Variants in ATF7 observed in about 807,000 individuals in gnomAD.
ATF7 encodes cyclic AMP-dependent transcription factor ATF-7.
In ATF7, 10 loss-of-function variants were observed where a neutral mutation model predicts 50.4. That is an observed-to-expected ratio of 0.20 (90% CI 0.12 to 0.34). The LOEUF (loss-of-function observed/expected upper bound fraction) is 0.34, where lower values mean the gene tolerates loss of function less well. Among genes scored for constraint, ATF7 ranks in the 10% least tolerant of loss-of-function variants. The pLI, the probability that ATF7 is intolerant of heterozygous loss-of-function variation, is 1.00. For synonymous variants in ATF7, 201 were observed against 226.4 expected (o/e 0.89, Z 1.01); for missense variants, 465 against 613.9 (o/e 0.76, Z 2.56).
intron 2 of ATF7, among the ~76,000 whole-genome samples, chr12:53,587,843 A>ATATTTTTTTTTTTTT: frequency 3.2e-5 from 2 of 61,568 alleles, no homozygotes; most frequent in African/African-American, 1.0e-4. Context: ...ATATATATAT[A>ATATTTTTTTTTTTTT]TTTTTTTTTT....
intron 2 of ATF7, among the ~76,000 whole-genome samples, chr12:53,597,693 C>T (rs1228073366): frequency 1.3e-5 from 2 of 151,492 alleles, no homozygotes; most frequent in African/African-American, 2.4e-5. Flanking sequence ...CCTGTAGTCC[C>T]AGCTACTCGG....
chr12:53,624,956 G>T (rs1030285174), intron 1 of ATF7, among the ~76,000 whole-genome samples: 1 of 152,128 alleles, frequency 6.6e-6, no homozygotes, highest in Non-Finnish European at 1.5e-5. Flanking sequence ...ATCGCTACAA[G>T]AATTACACTA....
At chr12:53,610,714 AC>A (rs1943833958) in intron 1 of ATF7, among the ~76,000 whole-genome samples, 1 of 152,218 alleles carries the variant, frequency 6.6e-6, no homozygotes, top group African/African-American at 2.4e-5. Context: ...TAAACATGTT[AC>A]ATATGCTTAT....
intron 2 of ATF7, among the ~76,000 whole-genome samples, chr12:53,567,051 C>A (rs1036975432): frequency 6.6e-6 from 1 of 152,238 alleles, no homozygotes; most frequent in Non-Finnish European, 1.5e-5. Context: ...TGCGCCCAGC[C>A]TGTGTTCACA....
At chr12:53,568,877 T>A (rs1323681446) in intron 2 of ATF7, among the ~76,000 whole-genome samples, 1 of 152,130 alleles carries the variant, frequency 6.6e-6, no homozygotes, top group East Asian at 1.9e-4. Flanking sequence ...AGAATGAAAT[T>A]GCAGCTAAGC....
chr12:53,579,040 C>T (rs915760035), intron 2 of ATF7, among the ~76,000 whole-genome samples: 3 of 151,832 alleles, frequency 2.0e-5, no homozygotes, highest in East Asian at 1.9e-4. Context: ...GTCAGGAATT[C>T]GAGACCAGCC....
chr12:53,526,966 C>G (rs2137351754), intron 9 of ATF7, among the ~76,000 whole-genome samples: 1 of 151,100 alleles, frequency 6.6e-6, no homozygotes, highest in African/African-American at 2.4e-5. Context: ...CAAGACCAGC[C>G]TGGCCAACAT....
intron 11 of ATF7, among the ~76,000 whole-genome samples, chr12:53,521,079 G>A (rs553712337): frequency 6.6e-5 from 10 of 150,872 alleles, no homozygotes; most frequent in Non-Finnish European, 1.5e-4. Flanking sequence ...TGCAACCTCC[G>A]CTTCCCAGGT....
chr12:53,533,193 T>C lies in ATF7; in HGVS notation c.627A>G (p.Pro209=), dbSNP rs755784953. The change falls in exon 7 of 12, where the codon CCA becomes CCG. Residue 209 remains proline (P), a synonymous_variant. Transcript: ENST00000420353. ...CAGACGGCATCTGTACTGGAGGCCC[T>C]GGCAACACAGGCATGGTCTGTCCAT... ...LANGQTMPVL[P]GPPVQMPSVI... The C allele has an allele frequency of 5.0e-6, 8 of 1,613,864 alleles. No homozygotes were observed. In the South Asian group the frequency reaches 7.7e-5, roughly 16 times the overall value.
At chr12:53,549,691 TGCCTCA>T (rs1210723306) in intron 3 of ATF7, among the ~76,000 whole-genome samples, 2 of 152,160 alleles carry the variant, frequency 1.3e-5, no homozygotes, top group African/African-American at 2.4e-5. Flanking sequence ...GTGATTCTCC[TGCCTCA>T]GCCTCAGCCT....
At chr12:53,561,377 G>A (rs1471099180) in intron 2 of ATF7, among the ~76,000 whole-genome samples, 1 of 151,086 alleles carries the variant, frequency 6.6e-6, no homozygotes, top group Non-Finnish European at 1.5e-5. Flanking sequence ...AAAACTATGA[G>A]GAGTAAGTTC....
At chr12:53,569,292 T>C (rs1241170493) in intron 2 of ATF7, among the ~76,000 whole-genome samples, 1 of 152,258 alleles carries the variant, frequency 6.6e-6, no homozygotes, top group Non-Finnish European at 1.5e-5. Flanking sequence ...GGGGAAATTG[T>C]CTTGTTCCTG....
intron 2 of ATF7, among the ~76,000 whole-genome samples, chr12:53,557,308 C>T (rs757526681): frequency 1.3e-4 from 20 of 151,988 alleles, no homozygotes; most frequent in Non-Finnish European, 2.5e-4. Flanking sequence ...CTTACGCAAT[C>T]CCCCCACCCC....
chr12:53,515,662 A>G lies in ATF7; in HGVS notation c.*1475T>C, dbSNP rs1404493135. The G allele has an allele frequency of 6.6e-6, 1 of 152,186 alleles. No homozygotes were observed. The highest frequency in any genetic ancestry group is 1.5e-5 in the Non-Finnish European group (1 of 68,022). The allele number at this position is 152,186 out of a possible 1,614,324, so 9.4% of individuals were successfully genotyped here. A position where few individuals can be genotyped will look rare whatever the true frequency, so the allele number is the denominator to read the frequency against. On this transcript the variant is annotated 3_prime_UTR_variant, in exon 12 of 12. Transcript: ENST00000420353. ...TTCAAAGTAAGAATGGTTGAGAGCAATAGTCACCAATTTCCCAGGCCAGAA... is the reference window on the plus strand; with the variant it reads ...TTCAAAGTAAGAATGGTTGAGAGCAGTAGTCACCAATTTCCCAGGCCAGAA...
chr12:53,590,688 G>A (rs1243685086), intron 2 of ATF7, among the ~76,000 whole-genome samples: 1 of 152,194 alleles, frequency 6.6e-6, no homozygotes, highest in Non-Finnish European at 1.5e-5. Context: ...TGGAGTTTTA[G>A]ATAGAACTTG....
At chr12:53,526,252 C>T (rs147330592) in intron 9 of ATF7, among the ~76,000 whole-genome samples, 1 of 151,412 alleles carries the variant, frequency 6.6e-6, no homozygotes, top group Non-Finnish European at 1.5e-5. Flanking sequence ...CCTGCTTCTC[C>T]GGCCCCCCTT....
At chr12:53,614,973 A>G (rs945437408) in intron 1 of ATF7, among the ~76,000 whole-genome samples, 2 of 151,978 alleles carry the variant, frequency 1.3e-5, no homozygotes, top group African/African-American at 4.8e-5. Flanking sequence ...TCAGCTACTC[A>G]GGAAGCTGAG....
chr12:53,513,989 G>A lies in ATF7; in HGVS notation c.*3148C>T, dbSNP rs564007526. 1 of 152,296 alleles carries A rather than the reference G, an allele frequency of 6.6e-6. No individual in the cohort carries two copies. Among genetic ancestry groups the A allele is most frequent in the African/African-American group, 2.4e-5 (1 of 41,548 alleles). 9.4% of individuals were successfully genotyped at this position (152,296 alleles called of 1,614,324 possible). ...TTAGAGTACATGGTCTAATGCTTAG[G>A]GCCAAGGAGGGAGGTGAAGGCTAAG... is the stretch of plus-strand genomic sequence containing the variant. On this transcript the variant is annotated 3_prime_UTR_variant, in exon 12 of 12. Coordinates refer to ENST00000420353, the MANE Select transcript of ATF7 (RefSeq NM_006856.3).
At chr12:53,590,022 G>C (rs778194386) in intron 2 of ATF7, among the ~76,000 whole-genome samples, 2 of 152,020 alleles carry the variant, frequency 1.3e-5, no homozygotes, top group Non-Finnish European at 2.9e-5. Context: ...TCCTGCCTTG[G>C]CCTCCCAAGG....
Sources: allele counts gnomAD v4.1 joint callset (sites outside exome capture counted in the v4.1 genomes callset), GRCh38; gene constraint gnomAD v4.1.1; transcripts MANE v1.5; gene names NCBI Gene and HGNC (gene_info 2026-07-23, HGNC 2026-07-21).